Variants in HERC2 observed in about 807,000 individuals in gnomAD.
HERC2 encodes E3 ubiquitin-protein ligase HERC2.
In HERC2, 102 loss-of-function variants were observed where a neutral mutation model predicts 537.7. The ratio of observed to expected loss-of-function variants is 0.19; its 90% CI spans 0.16 to 0.22. The LOEUF is 0.22. Ranked by LOEUF, HERC2 falls within the 10% of genes least tolerant of loss-of-function variation. The pLI is 1.00. For synonymous variants in HERC2, 2,224 were observed against 2,466.2 expected, an observed-to-expected ratio of 0.90 and a Z score of 2.91; for missense variants, 4,236 against 6,198.2, an observed-to-expected ratio of 0.68 and a Z score of 10.63.
rs1891476212 is a variant in HERC2, at chr15:28,143,888, C to A, written c.11403G>T (p.Gly3801=). Residue 3801 remains glycine (G), a synonymous_variant, in exon 74 of 93, where the codon GGG becomes GGT. Coordinates refer to ENST00000261609, the MANE Select transcript of HERC2 (RefSeq NM_004667.6). ...NINRLLGEND[G]ETRALSFTGS... Reference sequence around the variant, plus strand: ...TGCTCCATACCAAAGCTCTTGTTTCCCCATCATTTTCTCCAAGCAGCCTAT... The same window carrying A: ...TGCTCCATACCAAAGCTCTTGTTTCACCATCATTTTCTCCAAGCAGCCTAT... The A allele has an allele frequency of 6.2e-7, 1 of 1,614,036 alleles. No individual in the cohort carries two copies. The highest frequency in any genetic ancestry group is 1.3e-5 in the African/African-American group (1 of 74,984).
intron 4 of HERC2, 94 bp from the exon 5 acceptor site, chr15:28,280,381 C>T: frequency 2.0e-6 from 2 of 1,006,238 alleles, no homozygotes; most frequent in South Asian, 3.2e-5. Context: ...ACAGGTAGTA[C>T]TCGAAGGCAT....
rs773091518 is a variant in HERC2, at chr15:28,256,158, C to T, written c.2677G>A (p.Gly893Ser). 3 of 1,602,054 alleles carry T rather than the reference C, an allele frequency of 1.9e-6. No homozygotes were observed. The Admixed American group carries it at 5.0e-5, about 27-fold the overall frequency. Residue 893 changes from glycine (G) to serine (S), a missense_variant, in exon 18 of 93, where the codon GGC becomes AGC. This residue lies in a region of HERC2 where 754 missense variants were observed against 1,085.0 expected (regional missense o/e 0.69). Transcript: ENST00000261609. ...GCGGTGGGCAGCAGCACGGACCAGC[C>T]ACTCTGCAGCACGGCCTGGGCGGCC... Reference protein sequence around the residue: ...QSAAQAVLQSGWSVLLPTAEE... With the variant: ...QSAAQAVLQSSWSVLLPTAEE...
chr15:28,258,703 G>A (rs1277741970), intron 16 of HERC2, among the ~76,000 whole-genome samples: 5 of 151,988 alleles, frequency 3.3e-5, no homozygotes, highest in East Asian at 1.9e-4. Flanking sequence ...CAAAGTGAAC[G>A]CAAAACAAGC....
intron 2 of HERC2, among the ~76,000 whole-genome samples, chr15:28,306,800 G>A (rs1444563177): frequency 2.0e-5 from 3 of 152,170 alleles, no homozygotes; most frequent in Admixed American, 6.5e-5. Flanking sequence ...GTTCAAACTT[G>A]GAAGGCTGTA....
chr15:28,268,427 A>C lies in HERC2; in HGVS notation c.1598+38T>G. 1 of 1,589,346 alleles carries C rather than the reference A, an allele frequency of 6.3e-7. No homozygotes were observed. Among genetic ancestry groups the C allele is most frequent in the Non-Finnish European group, 8.6e-7 (1 of 1,163,120 alleles). ...CCTGTTTAGGATATGGCAACATAAA[A>C]GGAGAGTGTGTCCCCTACAGGAATA... On this transcript the variant is annotated intron_variant, in intron 12 of 92. Coordinates refer to ENST00000261609, the MANE Select transcript of HERC2 (RefSeq NM_004667.6). This position sits in a 1 kb window ranked among gnomAD's most constrained non-coding sequence, Gnocchi z 4.7.
At chr15:28,307,536 G>A (rs1038738661) in intron 2 of HERC2, among the ~76,000 whole-genome samples, 1 of 152,108 alleles carries the variant, frequency 6.6e-6, no homozygotes, top group African/African-American at 2.4e-5. Context: ...GATTTCGTAT[G>A]CTGTGTTGCC....
chr15:28,164,123 G>A (rs966483296), intron 68 of HERC2, among the ~76,000 whole-genome samples: 1 of 152,208 alleles, frequency 6.6e-6, no homozygotes, highest in Non-Finnish European at 1.5e-5. Flanking sequence ...TGCAGAGCAG[G>A]AGTGTGTCAA....
At chr15:28,244,344 T>G (rs1596312611) in intron 23 of HERC2, among the ~76,000 whole-genome samples, 1 of 152,134 alleles carries the variant, frequency 6.6e-6, no homozygotes, top group East Asian at 1.9e-4. Flanking sequence ...TACCGTCTAG[T>G]TCCACTTATA....
In HERC2 at chr15:28,163,128, G is replaced by T. The variant is rs151205330; in HGVS notation, c.10712C>A (p.Ala3571Glu). 1.2e-6 allele frequency: 2 copies of T among 1,611,882 alleles called. No individual in the cohort carries two copies. The highest frequency in any genetic ancestry group is 2.2e-5 in the East Asian group (1 of 44,856). Residue 3571 changes from alanine to glutamate, a missense_variant, in exon 69 of 93, where the codon GCG (alanine) becomes GAG (glutamate). Physicochemically the swap from Ala to Glu is moderately radical, Grantham distance 107. Transcript: ENST00000261609. ...AGDRGRDVLS[A>E]VLSGMGTAYP... ...GGCGGTCCCCATGCCGGAAAGCACC[G>T]CGGAGAGCACATCCCTGCCCCTGTC...
At chr15:28,318,050 T>C (rs915429607) in intron 2 of HERC2, among the ~76,000 whole-genome samples, 6 of 152,216 alleles carry the variant, frequency 3.9e-5, no homozygotes, top group Admixed American at 1.3e-4. Context: ...TCTGGACTTA[T>C]GCTCAAAGAC....
intron 55 of HERC2, chr15:28,190,613 A>G (rs555822967): frequency 2.6e-4 from 67 of 258,930 alleles, no homozygotes; most frequent in African/African-American, 1.5e-3. Context: ...CGTCACATAT[A>G]TGGTCAGGAA....
chr15:28,245,561 A>T (rs1903584385), intron 23 of HERC2, among the ~76,000 whole-genome samples: 1 of 82,940 alleles, frequency 1.2e-5, no homozygotes, highest in Admixed American at 1.4e-4. Flanking sequence ...AAAAAAAAAA[A>T]TATATACACA....
chr15:28,256,246 G>T lies in HERC2; in HGVS notation c.2589C>A (p.Asn863Lys), dbSNP rs772430807. Residue 863 changes from asparagine to lysine, a missense_variant, in exon 18 of 93, where the codon AAC (asparagine) becomes AAA (lysine). Physicochemically the swap from Asn to Lys is moderately conservative, Grantham distance 94. Transcript: ENST00000261609. ...GGGTCACCACCGTCTGCTTCAGGCT[G>T]TTCAGGAGGATGCTGCCCAGACCTA... ...LGLGLGSILL[N>K]SLKQTVVTLA... 6.3e-7 allele frequency: 1 copy of T among 1,598,992 alleles called. No individual in the cohort carries two copies. Among genetic ancestry groups the T allele is most frequent in the East Asian group, 2.2e-5 (1 of 44,872 alleles).
chr15:28,262,915 C>T lies in HERC2; in HGVS notation c.2122+3G>A. ...GGTTTTAAAAGTTTACATTTGCACT[C>T]ACCTTGCAAGCCTTCTAAGAGTTTT... On this transcript the variant is annotated splice_donor_region_variant and intron_variant, in intron 15 of 92. Transcript: ENST00000261609. 1 of 1,612,912 alleles carries T rather than the reference C, an allele frequency of 6.2e-7. No homozygotes were observed. Among genetic ancestry groups the T allele is most frequent in the Non-Finnish European group, 8.5e-7 (1 of 1,179,098 alleles).
intron 35 of HERC2, among the ~76,000 whole-genome samples, chr15:28,223,655 T>G (rs1900766176): frequency 6.6e-6 from 1 of 152,172 alleles, no homozygotes; most frequent in South Asian, 2.1e-4. Flanking sequence ...CAAGCAAAAC[T>G]GGGGGAATTT....
intron 69 of HERC2, among the ~76,000 whole-genome samples, chr15:28,158,042 A>G (rs925105073): frequency 4.6e-5 from 7 of 152,094 alleles, no homozygotes; most frequent in African/African-American, 1.7e-4. Flanking sequence ...GTAGTTGAGC[A>G]GTTTTGAGTG....
At chr15:28,314,863 G>GAATAAAAA in intron 2 of HERC2, among the ~76,000 whole-genome samples, 1 of 142,782 alleles carries the variant, frequency 7.0e-6, no homozygotes, top group Non-Finnish European at 1.5e-5. Flanking sequence ...TCCCTCTCAG[G>GAATAAAAA]AAAAAAAAAA....
In HERC2 at chr15:28,116,195, G is replaced by A. The variant is rs187864126; in HGVS notation, c.13609+470C>T. ...CTTCCACAATGTTGGTGAAAGGCAC[G>A]ATCAATATTAAAAGTCTTTTCTTTT... On this transcript the variant is annotated intron_variant, in intron 88 of 92. Coordinates refer to ENST00000261609, the MANE Select transcript of HERC2 (RefSeq NM_004667.6). 2.9e-3 allele frequency among the ~76,000 whole-genome samples: 440 copies of A among 150,916 alleles called. 4 individuals carry two copies. Among genetic ancestry groups the A allele is most frequent in the African/African-American group, 0.01 (431 of 41,236 alleles).
chr15:28,167,563 C>G, intron 68 of HERC2, 124 bp downstream of exon 68: 1 of 1,173,946 alleles, frequency 8.5e-7, no homozygotes, highest in African/African-American at 1.5e-5. Context: ...AAGATGCTAA[C>G]AAGTGGACAG....
Sources: gnomAD v4.1 joint callset for allele counts (sites outside exome capture counted in the v4.1 genomes callset) on GRCh38, gnomAD v4.1.1 for gene constraint, gnomAD v4.1.1 regional missense constraint, Gnocchi (gnomAD v3.1) non-coding constraint, MANE v1.5 for transcripts, NCBI Gene and HGNC (gene_info 2026-07-23, HGNC 2026-07-21) for gene names.